CNTN5: variants seen among roughly 807,000 people sequenced by gnomAD.
CNTN5 encodes contactin-5.
Under a neutral mutation model 129.1 loss-of-function variants are expected in CNTN5, and 77 were observed. The observed-to-expected ratio is 0.60, with a 90% confidence interval of 0.50 to 0.72. The LOEUF (loss-of-function observed/expected upper bound fraction) is 0.72, where lower values mean the gene tolerates loss of function less well. Among genes scored for constraint, CNTN5 ranks in the 30% least tolerant of loss-of-function variants. The pLI, the probability that CNTN5 is intolerant of heterozygous loss-of-function variation, is 0.00. For synonymous variants in CNTN5, 509 were observed against 465.6 expected, an observed-to-expected ratio of 1.09 and a Z score of -1.20; for missense variants, 1,478 against 1,328.8, an observed-to-expected ratio of 1.11 and a Z score of -1.75.
At chr11:99,608,292 A>G (rs367676871) in intron 3 of CNTN5, among the ~76,000 whole-genome samples, 10 of 152,134 alleles carry the variant, frequency 6.6e-5, no homozygotes, top group African/African-American at 2.4e-4. Context: ...ACAGCCCACT[A>G]CCTTGTTTGC....
intron 6 of CNTN5, among the ~76,000 whole-genome samples, chr11:99,873,614 AGGAATGTAAATTCAATCTTTAT>A (rs1175211701): frequency 2.0e-5 from 3 of 152,154 alleles, no homozygotes; most frequent in African/African-American, 7.2e-5. Context: ...CACTGTTGGT[AGGAATGTAAATTCAATCTTTAT>A]GGAAAACAGT....
At chr11:99,716,132 C>T (rs1206089519) in intron 3 of CNTN5, among the ~76,000 whole-genome samples, 1 of 151,958 alleles carries the variant, frequency 6.6e-6, no homozygotes, top group Non-Finnish European at 1.5e-5. Flanking sequence ...TAATATGTCT[C>T]ATATTTTCTT....
chr11:99,169,057 T>G (rs1861022733), intron 1 of CNTN5, among the ~76,000 whole-genome samples: 1 of 152,214 alleles, frequency 6.6e-6, no homozygotes, highest in African/African-American at 2.4e-5. Context: ...CATGTAGGAC[T>G]TAGTCTTTTG....
At chr11:99,310,482 A>G (rs887912256) in intron 1 of CNTN5, among the ~76,000 whole-genome samples, 2 of 152,130 alleles carry the variant, frequency 1.3e-5, no homozygotes, top group Non-Finnish European at 2.9e-5. Context: ...ACGTTGGTAA[A>G]ATGTTTATAA....
chr11:100,309,728 T>C, intron 21 of CNTN5: 1 of 984,498 alleles, frequency 1.0e-6, no homozygotes, highest in Non-Finnish European at 1.2e-6. Context: ...ATTAGCCCCT[T>C]TCTATCCAAC....
At chr11:99,054,293 C>A (rs1037516866) in intron 1 of CNTN5, among the ~76,000 whole-genome samples, 2 of 151,538 alleles carry the variant, frequency 1.3e-5, no homozygotes, top group Admixed American at 6.6e-5. Context: ...TTCTCTCAAA[C>A]CAGACTTTCA....
At chr11:100,096,518 C>CA (rs1945016010) in intron 13 of CNTN5, among the ~76,000 whole-genome samples, 2 of 152,018 alleles carry the variant, frequency 1.3e-5, no homozygotes, top group African/African-American at 4.8e-5. Flanking sequence ...CACCTGGGAG[C>CA]TCCATCACTG....
At chr11:99,309,406 G>A (rs1001298131) in intron 1 of CNTN5, among the ~76,000 whole-genome samples, 10 of 152,278 alleles carry the variant, frequency 6.6e-5, no homozygotes, top group African/African-American at 1.9e-4. Flanking sequence ...CAGCGTATCC[G>A]CTAAAATCTT....
chr11:99,168,462 C>T (rs1860988257), intron 1 of CNTN5, among the ~76,000 whole-genome samples: 1 of 152,050 alleles, frequency 6.6e-6, no homozygotes, highest in South Asian at 2.1e-4. Flanking sequence ...CACCTGTAGT[C>T]CCAGCTACTT....
intron 1 of CNTN5, among the ~76,000 whole-genome samples, chr11:99,128,823 C>T (rs1858781139): frequency 1.3e-5 from 2 of 152,106 alleles, no homozygotes; most frequent in Admixed American, 1.3e-4. Flanking sequence ...TCCAGGTGAA[C>T]AGGATCTGGA....
intron 21 of CNTN5, among the ~76,000 whole-genome samples, chr11:100,317,715 ACT>A (rs1951597123): frequency 6.6e-6 from 1 of 151,982 alleles, no homozygotes; most frequent in Non-Finnish European, 1.5e-5. Context: ...TTGAAACACA[ACT>A]CTATAATTTT....
intron 1 of CNTN5, among the ~76,000 whole-genome samples, chr11:99,316,710 A>G (rs936741968): frequency 2.6e-5 from 4 of 151,628 alleles, no homozygotes; most frequent in African/African-American, 7.3e-5. Flanking sequence ...TCACTTTTGA[A>G]ATTACTCTTT....
chr11:99,741,617 G>A (rs888963355), intron 3 of CNTN5, among the ~76,000 whole-genome samples: 3 of 152,088 alleles, frequency 2.0e-5, no homozygotes. Context: ...GTTCAATGAA[G>A]TTAACCACTA....
intron 3 of CNTN5, among the ~76,000 whole-genome samples, chr11:99,778,057 A>G (rs776882470): frequency 2.4e-4 from 37 of 151,882 alleles, no homozygotes; most frequent in Non-Finnish European, 4.7e-4. Flanking sequence ...CCATTTTTTA[A>G]TTCAGATTGA....
chr11:99,427,765 C>CAAAAAA (rs36085825), intron 2 of CNTN5, among the ~76,000 whole-genome samples: 2 of 32,362 alleles, frequency 6.2e-5, no homozygotes, highest in African/African-American at 9.0e-5. Context: ...GACTCAGTCT[C>CAAAAAA]AAAAAAAAAA....
intron 2 of CNTN5, among the ~76,000 whole-genome samples, chr11:99,398,953 T>C (rs1234882221): frequency 1.3e-5 from 2 of 151,692 alleles, no homozygotes; most frequent in African/African-American, 4.8e-5. Flanking sequence ...AACAAACTCC[T>C]GCACATCCTT....
At chr11:99,676,736 TAGTA>T (rs899902422) in intron 3 of CNTN5, among the ~76,000 whole-genome samples, 16 of 152,188 alleles carry the variant, frequency 1.1e-4, no homozygotes, top group Non-Finnish European at 7.4e-5. Context: ...AAAAAAAAAT[TAGTA>T]AGTTCTTTAA....
intron 15 of CNTN5, among the ~76,000 whole-genome samples, chr11:100,213,501 A>G (rs147640254): frequency 3.8e-4 from 58 of 152,288 alleles, no homozygotes; most frequent in African/African-American, 1.2e-3. Flanking sequence ...CATTCAATAA[A>G]TGGTGAATCC....
intron 13 of CNTN5, among the ~76,000 whole-genome samples, chr11:100,188,503 A>G (rs1333057163): frequency 6.6e-6 from 1 of 152,134 alleles, no homozygotes; most frequent in African/African-American, 2.4e-5. Flanking sequence ...CCACATTACT[A>G]ATTGTCAGAG....
Sources: allele counts gnomAD v4.1 joint callset (sites outside exome capture counted in the v4.1 genomes callset), GRCh38; gene constraint gnomAD v4.1.1; transcripts MANE v1.5; gene names NCBI Gene and HGNC (gene_info 2026-07-23, HGNC 2026-07-21).